FGF9: variants seen among roughly 807,000 people sequenced by gnomAD.
The protein encoded by FGF9 is fibroblast growth factor 9.
Under a neutral mutation model 19.9 loss-of-function variants are expected in FGF9, and 3 were observed. That is an observed-to-expected ratio of 0.15 (90% CI 0.07 to 0.39). The LOEUF is 0.39. FGF9 is among the 10% of genes least tolerant of loss of function. The probability of loss-of-function intolerance (pLI) is 1.00; values close to 1 mark genes in which losing one functional copy is unlikely to be tolerated. For missense variants in FGF9, 175 were observed against 256.8 expected, an observed-to-expected ratio of 0.68 and a Z score of 2.18; for synonymous variants, 107 against 106.9, an observed-to-expected ratio of 1.00 and a Z score of -0.01.
chr13:21,671,936 G>A lies in FGF9; in HGVS notation c.24G>A (p.Gly8=). The change falls in exon 1 of 3, where the codon GGG becomes GGA. Residue 8 remains glycine (G), a synonymous_variant. Coordinates refer to ENST00000382353, the MANE Select transcript of FGF9 (RefSeq NM_002010.3). MAPLGEV[G]NYFGVQDAVP... ...TGATGGCTCCCTTAGGTGAAGTTGG[G>A]AACTATTTCGGTGTGCAGGATGCGG... is the stretch of plus-strand genomic sequence containing the variant. The A allele has an allele frequency of 6.2e-7, 1 of 1,614,172 alleles. No homozygotes were observed. The highest frequency in any genetic ancestry group is 8.5e-7 in the Non-Finnish European group (1 of 1,180,038).
chr13:21,703,124 C>A lies in FGF9; in HGVS notation c.*1689C>A, dbSNP rs1289153763. ...AGAAAAAAGGAATTTATAACAAATT[C>A]TCATCTACATATGACACTTTCTAGC... On this transcript the variant is annotated 3_prime_UTR_variant, in exon 3 of 3. Transcript: ENST00000382353. 1 of 152,216 alleles carries A rather than the reference C, an allele frequency of 6.6e-6. No individual in the cohort carries two copies. Among genetic ancestry groups the A allele is most frequent in the African/African-American group, 2.4e-5 (1 of 41,454 alleles). The allele number at this position is 152,216 out of a possible 1,614,324, so 9.4% of individuals were successfully genotyped here. A position where few individuals can be genotyped will look rare whatever the true frequency, so the allele number is the denominator to read the frequency against.
intron 2 of FGF9, among the ~76,000 whole-genome samples, chr13:21,683,409 A>G (rs1168114150): frequency 6.6e-6 from 1 of 152,248 alleles, no homozygotes; most frequent in Non-Finnish European, 1.5e-5. Flanking sequence ...GCAGCCAGGT[A>G]GACAGCTGGA....
At chr13:21,687,033 TA>T (rs1872178430) in intron 2 of FGF9, among the ~76,000 whole-genome samples, 1 of 152,238 alleles carries the variant, frequency 6.6e-6, no homozygotes, top group Non-Finnish European at 1.5e-5. Flanking sequence ...AGGTGTTTAC[TA>T]GTAGGTTTGG....
rs773022513 is a variant in FGF9, at chr13:21,701,184, T to C, written c.382-6T>C. On this transcript the variant is annotated splice_polypyrimidine_tract_variant and splice_region_variant and intron_variant, in intron 2 of 2. Coordinates refer to ENST00000382353, the MANE Select transcript of FGF9 (RefSeq NM_002010.3). The stretch of plus-strand genomic sequence containing the variant: ...CCTAATGCTCTCCCTCTTTTTCTTT[T>C]TACAGGAAAAACTAACCCAAGAGTG... The C allele has an allele frequency of 2.5e-6, 4 of 1,612,710 alleles. No homozygotes were observed. The Admixed American group carries it at 6.7e-5, about 27-fold the overall frequency.
rs1031613448 is a variant in FGF9, at chr13:21,672,544, C to T, written c.277+355C>T. Among the ~76,000 whole-genome samples, 3 of 152,326 alleles carry T rather than the reference C, an allele frequency of 2.0e-5. No homozygotes were observed. Among genetic ancestry groups the T allele is most frequent in the Middle Eastern group, 3.4e-3 (1 of 294 alleles). On this transcript the variant is annotated intron_variant, in intron 1 of 2. Transcript: ENST00000382353. The surrounding 1 kb of genome is among the most constrained non-coding windows in gnomAD (Gnocchi z 4.2). ...GATTGCACGAGTTTAAAGCTTTAAT[C>T]ATTAACTACTAAGAACTTAATGCAG...
chr13:21,674,839 C>G (rs1871868430), intron 1 of FGF9, among the ~76,000 whole-genome samples: 1 of 151,558 alleles, frequency 6.6e-6, no homozygotes, highest in Admixed American at 6.6e-5. Flanking sequence ...GAGGGGAGGG[C>G]AGGAGAGGCG....
intron 2 of FGF9, among the ~76,000 whole-genome samples, chr13:21,684,461 G>C (rs1452646589): frequency 6.6e-6 from 1 of 152,138 alleles, no homozygotes; most frequent in Non-Finnish European, 1.5e-5. Flanking sequence ...CATAGATGTG[G>C]CCTCACAGTA....
At chr13:21,681,931 T>C (rs925122607) in intron 2 of FGF9, among the ~76,000 whole-genome samples, 5 of 152,226 alleles carry the variant, frequency 3.3e-5, no homozygotes, top group Admixed American at 6.5e-5. Context: ...ATGAATAATA[T>C]ATACTAACTT....
chr13:21,671,753 T>G lies in FGF9; in HGVS notation c.-160T>G. 1.3e-6 allele frequency: 1 copy of G among 795,572 alleles called. No individual in the cohort carries two copies. 49.3% of individuals were successfully genotyped at this position (795,572 alleles called of 1,614,324 possible). ...TGTGCCAGTGAAACAGCAGATTACT[T>G]TTATTTATGCATTTAATGGATTGAA... On this transcript the variant is annotated 5_prime_UTR_variant, in exon 1 of 3. Transcript: ENST00000382353.
intron 2 of FGF9, among the ~76,000 whole-genome samples, chr13:21,698,171 GA>G (rs1179503455): frequency 1.3e-5 from 2 of 152,210 alleles, no homozygotes; most frequent in Non-Finnish European, 2.9e-5. Context: ...CTGGTCCCAA[GA>G]GGGTGGTGGC....
intron 1 of FGF9, among the ~76,000 whole-genome samples, chr13:21,675,500 A>T (rs1871892935): frequency 1.3e-5 from 2 of 151,424 alleles, no homozygotes; most frequent in South Asian, 4.2e-4. Context: ...AGGCGCCGGG[A>T]GGGGGCGAGG....
chr13:21,673,058 T>C (rs1044682434), intron 1 of FGF9, among the ~76,000 whole-genome samples: 5 of 152,162 alleles, frequency 3.3e-5, no homozygotes, highest in Admixed American at 2.6e-4. Flanking sequence ...ACTTTATGCT[T>C]GCACACACGT....
At chr13:21,696,533 G>A (rs558462612) in intron 2 of FGF9, among the ~76,000 whole-genome samples, 23 of 66,300 alleles carry the variant, frequency 3.5e-4, no homozygotes, top group African/African-American at 8.2e-4. Context: ...TCTATAAACC[G>A]TCTGCATTAG....
chr13:21,672,146 C>T lies in FGF9; in HGVS notation c.234C>T (p.Pro78=). The T allele has an allele frequency of 6.2e-7, 1 of 1,614,200 alleles. No homozygotes were observed. Among genetic ancestry groups the T allele is most frequent in the Non-Finnish European group, 8.5e-7 (1 of 1,180,032 alleles). ...CTGGATTTCACTTAGAAATCTTCCCCAATGGTACTATCCAGGGAACCAGGA... is the reference window on the plus strand; with the variant it reads ...CTGGATTTCACTTAGAAATCTTCCCTAATGGTACTATCCAGGGAACCAGGA... ...CRTGFHLEIF[P]NGTIQGTRKD... The change falls in exon 1 of 3, where the codon CCC becomes CCT. Residue 78 remains proline, a synonymous_variant. Coordinates refer to ENST00000382353, the MANE Select transcript of FGF9 (RefSeq NM_002010.3). This position sits in a 1 kb window ranked among gnomAD's most constrained non-coding sequence, Gnocchi z 4.2.
rs1308480939 is a variant in FGF9 at position 21,681,062 on chromosome 13, A to G, written c.298A>G (p.Ile100Val). ...TACAGGCATTCTGGAATTTATCAGT[A>G]TAGCAGTGGGCCTGGTCAGCATTCG... ...SRFGILEFIS[I>V]AVGLVSIRGV... The change falls in exon 2 of 3, where the codon ATA becomes GTA. Residue 100 changes from isoleucine (I) to valine (V), a missense_variant. Coordinates refer to ENST00000382353, the MANE Select transcript of FGF9 (RefSeq NM_002010.3). 2 of 1,613,764 alleles carry G rather than the reference A, an allele frequency of 1.2e-6. No homozygotes were observed. Among genetic ancestry groups the G allele is most frequent in the East Asian group, 2.2e-5 (1 of 44,876 alleles).
chr13:21,680,634 A>G (rs563724858), intron 1 of FGF9, among the ~76,000 whole-genome samples: 248 of 152,330 alleles, frequency 1.6e-3, no homozygotes, highest in African/African-American at 5.6e-3. Context: ...AAAATAAGAG[A>G]ATCACAGACA....
chr13:21,681,783 G>A (rs1872048616), intron 2 of FGF9, among the ~76,000 whole-genome samples: 1 of 152,182 alleles, frequency 6.6e-6, no homozygotes, highest in South Asian at 2.1e-4. Context: ...GTGTGAATGA[G>A]ACAAAGTCTA....
chr13:21,673,479 G>A (rs564646755), intron 1 of FGF9, among the ~76,000 whole-genome samples: 1 of 152,230 alleles, frequency 6.6e-6, no homozygotes, highest in Admixed American at 6.5e-5. Context: ...AATTGCTCCG[G>A]CCGTCTCCAC....
intron 2 of FGF9, among the ~76,000 whole-genome samples, chr13:21,692,127 C>T (rs750159250): frequency 8.5e-5 from 13 of 152,246 alleles, no homozygotes; most frequent in East Asian, 1.9e-4. Context: ...TGGTACATAG[C>T]GTGATTGTTT....
Sources: allele counts gnomAD v4.1 joint callset (sites outside exome capture counted in the v4.1 genomes callset), GRCh38; gene constraint gnomAD v4.1.1; non-coding constraint Gnocchi (gnomAD v3.1); transcripts MANE v1.5; gene names NCBI Gene and HGNC (gene_info 2026-07-23, HGNC 2026-07-21).